Variants in PDE4D observed in about 807,000 individuals in gnomAD.
PDE4D encodes the protein phosphodiesterase 4D, also known as 3',5'-cyclic-AMP phosphodiesterase 4D.
In PDE4D, 24 loss-of-function variants were observed where a neutral mutation model predicts 87.4. That is an observed-to-expected ratio of 0.27 (90% CI 0.20 to 0.39). The LOEUF (loss-of-function observed/expected upper bound fraction) is 0.39. Among genes scored for constraint, PDE4D ranks in the 10% least tolerant of loss-of-function variants. PDE4D has a pLI of 1.00. For missense variants in PDE4D, 714 were observed against 1,041.0 expected (o/e 0.69, Z 4.32); for synonymous variants, 384 against 383.2 (o/e 1.00, Z -0.02).
intron 1 of PDE4D, among the ~76,000 whole-genome samples, chr5:60,245,109 C>G (rs1276094378): frequency 2.0e-5 from 3 of 151,788 alleles, no homozygotes; most frequent in African/African-American, 7.2e-5. Flanking sequence ...ATCTAATAAT[C>G]TAATTTAAAA....
intron 1 of PDE4D, among the ~76,000 whole-genome samples, chr5:59,254,638 T>C (rs1350610139): frequency 1.3e-5 from 2 of 152,042 alleles, no homozygotes; most frequent in Non-Finnish European, 2.9e-5. Context: ...ATTTTTTACA[T>C]TTCTTCTTCT....
intron 3 of PDE4D, among the ~76,000 whole-genome samples, chr5:59,968,331 A>G (rs1216185990): frequency 6.6e-6 from 1 of 152,124 alleles, no homozygotes; most frequent in Non-Finnish European, 1.5e-5. Context: ...ATGGAAAACC[A>G]AATATTGCAC....
At chr5:59,490,689 T>A in intron 1 of PDE4D, among the ~76,000 whole-genome samples, 1 of 152,232 alleles carries the variant, frequency 6.6e-6, no homozygotes, top group East Asian at 1.9e-4. Flanking sequence ...AATAGTAAAT[T>A]AAAGTAAAAT....
At chr5:60,064,553 T>C (rs928545222) in intron 2 of PDE4D, among the ~76,000 whole-genome samples, 1 of 152,156 alleles carries the variant, frequency 6.6e-6, no homozygotes, top group Non-Finnish European at 1.5e-5. Flanking sequence ...CTTCCACTTA[T>C]AAAATGTAAT....
chr5:59,309,225 A>G (rs546089141), intron 1 of PDE4D, among the ~76,000 whole-genome samples: 1 of 152,198 alleles, frequency 6.6e-6, no homozygotes, highest in East Asian at 1.9e-4. Flanking sequence ...CCACCTGTGG[A>G]GTCTGCACGC....
chr5:60,096,469 G>A (rs151190007), intron 2 of PDE4D, among the ~76,000 whole-genome samples: 323 of 151,982 alleles, frequency 2.1e-3, no homozygotes, highest in African/African-American at 7.0e-3. Context: ...CAAATTATGC[G>A]TTTTCTTTCA....
chr5:59,077,938 A>T (rs928192598), intron 5 of PDE4D, among the ~76,000 whole-genome samples: 1 of 152,200 alleles, frequency 6.6e-6, no homozygotes, highest in Non-Finnish European at 1.5e-5. Flanking sequence ...CTGATTTCCT[A>T]AAAAACCTCT....
At chr5:59,294,331 C>T (rs1768630216) in intron 1 of PDE4D, among the ~76,000 whole-genome samples, 1 of 152,080 alleles carries the variant, frequency 6.6e-6, no homozygotes, top group Non-Finnish European at 1.5e-5. Flanking sequence ...TTTTACAAAC[C>T]ACAGCATGAA....
chr5:59,833,709 T>C (rs1741590980), intron 1 of PDE4D, among the ~76,000 whole-genome samples: 1 of 151,968 alleles, frequency 6.6e-6, no homozygotes, highest in Non-Finnish European at 1.5e-5. Context: ...TGTGGTGTGT[T>C]GCAGGCAGTG....
intron 5 of PDE4D, among the ~76,000 whole-genome samples, chr5:59,073,732 T>C (rs1765250517): frequency 6.6e-6 from 1 of 152,214 alleles, no homozygotes; most frequent in Non-Finnish European, 1.5e-5. Context: ...GCATTTCTCT[T>C]GCCAATGAAT....
intron 1 of PDE4D, among the ~76,000 whole-genome samples, chr5:59,704,396 G>C (rs748593863): frequency 6.6e-6 from 1 of 152,166 alleles, no homozygotes; most frequent in Non-Finnish European, 1.5e-5. Context: ...CATCTACAAT[G>C]ATGACACCAT....
chr5:59,153,773 GT>G (rs138856664), intron 5 of PDE4D, among the ~76,000 whole-genome samples: 5 of 148,894 alleles, frequency 3.4e-5, no homozygotes, highest in Admixed American at 6.7e-5. Context: ...TGTTGTTGTT[GT>G]TTTTTTTTAA....
chr5:59,347,342 G>C (rs187331781), intron 1 of PDE4D, among the ~76,000 whole-genome samples: 1 of 152,060 alleles, frequency 6.6e-6, no homozygotes, highest in African/African-American at 2.4e-5. Flanking sequence ...TGCCAAAAAG[G>C]GATCAAGTGA....
At chr5:59,095,339 AAAAATAACCAAAAACT>A (rs1320848467) in intron 5 of PDE4D, among the ~76,000 whole-genome samples, 1 of 151,374 alleles carries the variant, frequency 6.6e-6, no homozygotes, top group African/African-American at 2.4e-5. Context: ...GAATGGAACA[AAAAATAACCAAAAACT>A]AAAAAGATGA....
At chr5:59,807,486 C>T (rs892872556) in intron 1 of PDE4D, among the ~76,000 whole-genome samples, 2 of 152,140 alleles carry the variant, frequency 1.3e-5, no homozygotes, top group Admixed American at 6.5e-5. Context: ...ACGCAGGCAC[C>T]TGGGCTGGCT....
chr5:59,401,928 C>T (rs1408304300), intron 1 of PDE4D, among the ~76,000 whole-genome samples: 4 of 152,200 alleles, frequency 2.6e-5, no homozygotes, highest in African/African-American at 9.7e-5. Flanking sequence ...GAACTAAGTT[C>T]AGGGCTTTTC....
intron 6 of PDE4D, among the ~76,000 whole-genome samples, chr5:59,034,317 AG>A (rs1758117762): frequency 1.3e-5 from 2 of 152,136 alleles, no homozygotes; most frequent in Admixed American, 6.5e-5. Context: ...TTTTAATCTA[AG>A]ATTTAATATG....
chr5:59,990,329 C>G (rs996125541), intron 2 of PDE4D, among the ~76,000 whole-genome samples: 6 of 152,130 alleles, frequency 3.9e-5, no homozygotes, highest in African/African-American at 1.4e-4. Flanking sequence ...TTATTATAAT[C>G]CAGGCTAATT....
At chr5:59,401,740 G>A (rs1406690904) in intron 1 of PDE4D, among the ~76,000 whole-genome samples, 1 of 152,230 alleles carries the variant, frequency 6.6e-6, no homozygotes, top group East Asian at 1.9e-4. Context: ...AGAAAAGGGA[G>A]AGGGAACAGC....
Sources: gnomAD v4.1 joint callset for allele counts (sites outside exome capture counted in the v4.1 genomes callset) on GRCh38, gnomAD v4.1.1 for gene constraint, MANE v1.5 for transcripts, NCBI Gene and HGNC (gene_info 2026-07-23, HGNC 2026-07-21) for gene names.